CHIC2: variants seen among roughly 807,000 people sequenced by gnomAD.
The protein encoded by CHIC2 is cysteine-rich hydrophobic domain-containing protein 2.
In CHIC2, 14 loss-of-function variants were observed where a neutral mutation model predicts 25.9. The ratio of observed to expected loss-of-function variants is 0.54; its 90% confidence interval spans 0.36 to 0.85. The LOEUF (loss-of-function observed/expected upper bound fraction) is 0.85. Among genes scored for constraint, CHIC2 ranks in the 40% least tolerant of loss-of-function variants. The pLI is 0.01. For missense variants in CHIC2, 146 were observed against 202.0 expected, an observed-to-expected ratio of 0.72 and a Z score of 1.68; for synonymous variants, 70 against 72.0, an observed-to-expected ratio of 0.97 and a Z score of 0.14.
intron 3 of CHIC2, among the ~76,000 whole-genome samples, chr4:54,015,649 A>G (rs1715716493): frequency 6.6e-6 from 1 of 152,162 alleles, no homozygotes; most frequent in Admixed American, 6.5e-5. Flanking sequence ...CATGAAAAGA[A>G]CATGATCTAA....
intron 2 of CHIC2, 33 bp downstream of exon 2, chr4:54,049,218 G>A (rs745325904): frequency 1.0e-5 from 16 of 1,570,644 alleles, no homozygotes; most frequent in Non-Finnish European, 1.3e-5. Context: ...TTCATTTTGA[G>A]GCATACAAAT....
the CHIC2 span, among the ~76,000 whole-genome samples, chr4:54,090,691 T>G: frequency 6.6e-6 from 1 of 152,148 alleles, no homozygotes; most frequent in Non-Finnish European, 1.5e-5. Context: ...AACCATCCTG[T>G]GAGAAGAGGG....
the CHIC2 span, among the ~76,000 whole-genome samples, chr4:54,082,011 C>T: frequency 6.6e-6 from 1 of 152,156 alleles, no homozygotes; most frequent in Non-Finnish European, 1.5e-5. Context: ...CCATGGACCA[C>T]AAACAGGCTA....
At chr4:54,088,602 G>T in the CHIC2 span, among the ~76,000 whole-genome samples, 1 of 152,216 alleles carries the variant, frequency 6.6e-6, no homozygotes, top group East Asian at 1.9e-4. Flanking sequence ...GTAGGCCAGT[G>T]GTTGGAGTGG....
At chr4:54,063,929 G>A (rs1190288567) in intron 1 of CHIC2, among the ~76,000 whole-genome samples, 1 of 152,240 alleles carries the variant, frequency 6.6e-6, no homozygotes, top group Non-Finnish European at 1.5e-5. Flanking sequence ...ATGAAAACCC[G>A]TGCCTACTGG....
At chr4:54,090,614 A>T in the CHIC2 span, among the ~76,000 whole-genome samples, 1 of 152,206 alleles carries the variant, frequency 6.6e-6, no homozygotes, top group Non-Finnish European at 1.5e-5. Context: ...TAGTTTGTAT[A>T]CTGAGTGCTA....
At chr4:54,027,926 A>G (rs920072609) in intron 3 of CHIC2, among the ~76,000 whole-genome samples, 14 of 152,202 alleles carry the variant, frequency 9.2e-5, no homozygotes, top group Non-Finnish European at 1.9e-4. Context: ...ATAAAAGCAA[A>G]ACAGAAGCAA....
chr4:54,064,606 A>C, upstream of CHIC2: 1 of 1,185,802 alleles, frequency 8.4e-7, no homozygotes, highest in Non-Finnish European at 1.0e-6. The surrounding 1 kb of genome is among the most constrained non-coding windows in gnomAD (Gnocchi z 4.2). Flanking sequence ...TCAGGAAACC[A>C]CAGCAACAGC....
At chr4:54,031,027 A>C (rs941033356) in intron 3 of CHIC2, among the ~76,000 whole-genome samples, 1 of 152,026 alleles carries the variant, frequency 6.6e-6, no homozygotes, top group African/African-American at 2.4e-5. Flanking sequence ...TTACAGGTGC[A>C]TGCCACCACT....
At chr4:54,084,257 T>A in the CHIC2 span, among the ~76,000 whole-genome samples, 5 of 152,162 alleles carry the variant, frequency 3.3e-5, no homozygotes, top group African/African-American at 1.2e-4. Flanking sequence ...TTAAACTAAA[T>A]TGAATTTTAA....
At chr4:54,039,602 A>G (rs1415055959) in intron 3 of CHIC2, among the ~76,000 whole-genome samples, 1 of 152,244 alleles carries the variant, frequency 6.6e-6, no homozygotes, top group Non-Finnish European at 1.5e-5. Flanking sequence ...TGGATCTCTC[A>G]TGCATTGCTG....
chr4:54,070,410 G>GTATTTATT, the CHIC2 span, among the ~76,000 whole-genome samples: 12 of 77,834 alleles, frequency 1.5e-4, no homozygotes, highest in African/African-American at 4.0e-4. Flanking sequence ...ATTTATTTAT[G>GTATTTATT]TATTTATGTA....
chr4:54,029,647 A>G (rs7666868), intron 3 of CHIC2, among the ~76,000 whole-genome samples: 8,913 of 152,142 alleles, frequency 0.059, 867 homozygotes, highest in African/African-American at 0.2. Flanking sequence ...ATGTTGTTAG[A>G]GGTATTTTTC....
the CHIC2 span, chr4:54,087,424 G>A: frequency 4.1e-5 from 24 of 590,162 alleles, no homozygotes; most frequent in Admixed American, 1.2e-4. Context: ...GTAAAACATC[G>A]CAGGGAAACG....
chr4:54,033,392 T>A (rs1716292854), intron 3 of CHIC2, among the ~76,000 whole-genome samples: 1 of 152,228 alleles, frequency 6.6e-6, no homozygotes, highest in Non-Finnish European at 1.5e-5. Flanking sequence ...GTTTCTTGAA[T>A]TGTTTTCTTA....
intron 5 of CHIC2, among the ~76,000 whole-genome samples, chr4:54,013,533 G>C (rs1715650267): frequency 6.6e-6 from 1 of 152,120 alleles, no homozygotes; most frequent in South Asian, 2.1e-4. Context: ...AACCAAAGTT[G>C]TGGTTATTCT....
the CHIC2 span, among the ~76,000 whole-genome samples, chr4:54,085,515 G>T: frequency 6.6e-6 from 1 of 152,172 alleles, no homozygotes; most frequent in Non-Finnish European, 1.5e-5. Context: ...TAGTTGGTTT[G>T]CCCAGAGCAG....
At chr4:54,065,464 G>A (rs1475447376), upstream of CHIC2, 1 of 218,648 alleles carries the variant, frequency 4.6e-6, no homozygotes, top group Admixed American at 6.5e-5. Flanking sequence ...AGGAGAGGAA[G>A]AAAAGGAGGC....
chr4:54,013,693 A>G (rs1715658652), intron 5 of CHIC2, 144 bp downstream of exon 5: 1 of 691,698 alleles, frequency 1.4e-6, no homozygotes, highest in Admixed American at 2.9e-5. Context: ...GAAACCATGC[A>G]TCTGTGAACC....
Sources: allele counts gnomAD v4.1 joint callset (sites outside exome capture counted in the v4.1 genomes callset), GRCh38; gene constraint gnomAD v4.1.1; non-coding constraint Gnocchi (gnomAD v3.1); transcripts MANE v1.5; gene names NCBI Gene and HGNC (gene_info 2026-07-23, HGNC 2026-07-21).